The following TGFBR1 variants were observed in gnomAD, a reference collection of about 807,000 sequenced individuals.
TGFBR1 encodes transforming growth factor beta receptor 1, also known as TGF-beta receptor type-1.
A neutral mutation model predicts 55.1 loss-of-function variants in TGFBR1; 20 were observed. The observed-to-expected ratio is 0.36, with a 90% CI of 0.26 to 0.53. TGFBR1 has a LOEUF of 0.53. TGFBR1 is among the 20% of genes least tolerant of loss of function. The pLI is 0.91. For synonymous variants in TGFBR1, 220 were observed against 214.8 expected (o/e 1.02, Z -0.21); for missense variants, 385 against 617.6 (o/e 0.62, Z 3.99).
At chr9:99,126,857 A>T (rs1827056362) in intron 1 of TGFBR1, among the ~76,000 whole-genome samples, 1 of 152,230 alleles carries the variant, frequency 6.6e-6, no homozygotes, top group East Asian at 1.9e-4. Context: ...GGAAGCAAAT[A>T]GCTGACCTGT....
intron 3 of TGFBR1, among the ~76,000 whole-genome samples, chr9:99,137,108 C>G (rs1350465229): frequency 6.6e-6 from 1 of 152,160 alleles, no homozygotes. Context: ...AGTGGAAAAA[C>G]AGTGCTCCAT....
chr9:99,127,964 A>G (rs928941590), intron 1 of TGFBR1: 22 of 455,938 alleles, frequency 4.8e-5, no homozygotes, highest in African/African-American at 3.6e-4. Flanking sequence ...AGGAGTTTAC[A>G]GTTTCATAGG....
rs1035595892 is a variant in TGFBR1 at position 99,147,769 on chromosome 9, A to C, written c.1371A>C (p.Arg457Ser). 6.2e-7 allele frequency: 1 copy of C among 1,613,714 alleles called. No homozygotes were observed. Among genetic ancestry groups the C allele is most frequent in the Non-Finnish European group, 8.5e-7 (1 of 1,179,822 alleles). ...AGTTAAGGCCAAATATCCCAAACAGATGGCAGAGCTGTGAAGTGAGTATTT... is the reference window on the plus strand; with the variant it reads ...AGTTAAGGCCAAATATCCCAAACAGCTGGCAGAGCTGTGAAGTGAGTATTT... ...EQKLRPNIPN[R>S]WQSCEALRVM... Residue 457 changes from arginine to serine, a missense_variant, in exon 8 of 9, where the codon AGA becomes AGC. Transcript: ENST00000374994.
Position 99,150,172 on chromosome 9 carries a change from G to A in TGFBR1, c.*867G>A. ...CTTAAGCCACTAAAGAAATGAAGTG[G>A]CATTAATTAGTAAATTATTAGCATG... On this transcript the variant is annotated 3_prime_UTR_variant, in exon 9 of 9. Coordinates refer to ENST00000374994, the MANE Select transcript of TGFBR1 (RefSeq NM_004612.4). The A allele has an allele frequency of 5.3e-6, 1 of 189,774 alleles. No individual in the cohort carries two copies. The highest frequency in any genetic ancestry group is 1.1e-5 in the Non-Finnish European group (1 of 90,208). The allele number at this position is 189,774 out of a possible 1,614,324, so 11.8% of individuals were successfully genotyped here. A position where few individuals can be genotyped will look rare whatever the true frequency, so the allele number is the denominator to read the frequency against.
rs746953792 is a variant in TGFBR1, at chr9:99,149,330, CT to C, written c.*31del. On this transcript the variant is annotated 3_prime_UTR_variant, in exon 9 of 9. Coordinates refer to ENST00000374994, the MANE Select transcript of TGFBR1 (RefSeq NM_004612.4). Reference sequence around the variant, plus strand: ...ATTCTACAGCTTTGCCTGAACTCTCCTTTTTTCTTCAGATCTGCTCCTGGGT... The same window carrying C: ...ATTCTACAGCTTTGCCTGAACTCTCCTTTTTCTTCAGATCTGCTCCTGGGT... 6.2e-7 allele frequency: 1 copy of C among 1,612,974 alleles called. No individual in the cohort carries two copies. Among genetic ancestry groups the C allele is most frequent in the Admixed American group, 1.7e-5 (1 of 59,976 alleles).
At chr9:99,134,830 A>ATATATATATATATATG (rs1827378836) in intron 3 of TGFBR1, among the ~76,000 whole-genome samples, 1 of 112,508 alleles carries the variant, frequency 8.9e-6, no homozygotes, top group African/African-American at 3.2e-5. Flanking sequence ...ATATATATAT[A>ATATATATATATATATG]TATATATATA....
Position 99,149,275 on chromosome 9 carries a change from A to G in TGFBR1, c.1482A>G (p.Gln494=), listed in dbSNP as rs1322997395. 6.2e-7 allele frequency: 1 copy of G among 1,613,772 alleles called. No individual in the cohort carries two copies. Among genetic ancestry groups the G allele is most frequent in the Non-Finnish European group, 8.5e-7 (1 of 1,179,866 alleles). Residue 494 remains glutamine (Q), a synonymous_variant, in exon 9 of 9, where the codon CAA becomes CAG. Coordinates refer to ENST00000374994, the MANE Select transcript of TGFBR1 (RefSeq NM_004612.4). ...TGCGGATTAAGAAAACATTATCGCA[A>G]CTCAGTCAACAGGAAGGCATCAAAA... The part of the protein sequence containing the change: ...TALRIKKTLS[Q]LSQQEGIKM
At chr9:99,117,069 G>A (rs1826767058) in intron 1 of TGFBR1, among the ~76,000 whole-genome samples, 1 of 152,106 alleles carries the variant, frequency 6.6e-6, no homozygotes, top group Non-Finnish European at 1.5e-5. Context: ...CTTTGCTTTG[G>A]TATTTTGTTT....
rs1022130561 is a variant in TGFBR1 at position 99,153,524 on chromosome 9, G to A, written c.*4219G>A. The stretch of plus-strand genomic sequence containing the variant: ...GTTTCCCCATAAGTTTTTTTAAATT[G>A]TATATTGTATTTGTAGTAATATTCC... On this transcript the variant is annotated 3_prime_UTR_variant, in exon 9 of 9. Transcript: ENST00000374994. 4 of 195,442 alleles carry A rather than the reference G, an allele frequency of 2.0e-5. No homozygotes were observed. The highest frequency in any genetic ancestry group is 4.3e-5 in the Non-Finnish European group (4 of 93,742). The allele number at this position is 195,442 out of a possible 1,614,324, so 12.1% of individuals were successfully genotyped here.
intron 1 of TGFBR1, among the ~76,000 whole-genome samples, chr9:99,110,825 TA>T (rs1309549143): frequency 6.6e-6 from 1 of 152,222 alleles, no homozygotes; most frequent in Admixed American, 6.5e-5. Flanking sequence ...AAACTGAAGT[TA>T]TGCTGTTAAT....
Position 99,149,331 on chromosome 9 carries a change from T to C in TGFBR1, c.*26T>C, listed in dbSNP as rs781117226. 1 of 1,612,940 alleles carries C rather than the reference T, an allele frequency of 6.2e-7. No individual in the cohort carries two copies. The highest frequency in any genetic ancestry group is 8.5e-7 in the Non-Finnish European group (1 of 1,179,244). On this transcript the variant is annotated 3_prime_UTR_variant, in exon 9 of 9. Transcript: ENST00000374994. ...TTCTACAGCTTTGCCTGAACTCTCC[T>C]TTTTTCTTCAGATCTGCTCCTGGGT... is the stretch of plus-strand genomic sequence containing the variant.
chr9:99,136,473 G>C (rs1167871009), intron 3 of TGFBR1, among the ~76,000 whole-genome samples: 1 of 151,878 alleles, frequency 6.6e-6, no homozygotes, highest in Non-Finnish European at 1.5e-5. Context: ...CCTCTACAAG[G>C]CTTTCATAAA....
intron 1 of TGFBR1, among the ~76,000 whole-genome samples, chr9:99,114,658 A>G (rs1235380860): frequency 6.6e-6 from 1 of 152,242 alleles, no homozygotes; most frequent in African/African-American, 2.4e-5. Context: ...ATGTAAGGCT[A>G]GGACATTTAA....
intron 4 of TGFBR1, among the ~76,000 whole-genome samples, chr9:99,141,519 G>GT (rs1280842186): frequency 2.6e-5 from 4 of 152,090 alleles, no homozygotes; most frequent in Non-Finnish European, 5.9e-5. Context: ...CTAGCATTCC[G>GT]TTTTTTAAAT....
At chr9:99,136,541 C>T (rs985914385) in intron 3 of TGFBR1, among the ~76,000 whole-genome samples, 3 of 152,076 alleles carry the variant, frequency 2.0e-5, no homozygotes, top group Non-Finnish European at 4.4e-5. Context: ...ATACATAGTG[C>T]GAAAGAGCTC....
intron 1 of TGFBR1, among the ~76,000 whole-genome samples, chr9:99,123,540 G>A (rs556369018): frequency 3.9e-5 from 6 of 152,260 alleles, no homozygotes; most frequent in Admixed American, 1.3e-4. Context: ...AAATAGTTGC[G>A]TAGGTTTCAC....
intron 1 of TGFBR1, among the ~76,000 whole-genome samples, chr9:99,128,475 TAAAA>T (rs66612011): frequency 0.21 from 21,287 of 103,794 alleles, 1,694 homozygotes; most frequent in Non-Finnish European, 0.24. Flanking sequence ...TTGGGCCTGG[TAAAA>T]AAAAAAAAAA....
rs1827964412 is a variant in TGFBR1 at position 99,150,984 on chromosome 9, A to G, written c.*1679A>G. The stretch of plus-strand genomic sequence containing the variant: ...AGCTCTGAGGCAAGACTTCGACTTT[A>G]TAGTGCTATCAGTTCCCCGATACAG... On this transcript the variant is annotated 3_prime_UTR_variant, in exon 9 of 9. Transcript: ENST00000374994. The G allele has an allele frequency of 4.4e-6, 1 of 227,454 alleles. No individual in the cohort carries two copies. The highest frequency in any genetic ancestry group is 1.8e-4 in the South Asian group (1 of 5,488). 14.1% of individuals were successfully genotyped at this position (227,454 alleles called of 1,614,324 possible).
At chr9:99,142,912 A>G (rs1264719596) in intron 5 of TGFBR1, among the ~76,000 whole-genome samples, 1 of 152,128 alleles carries the variant, frequency 6.6e-6, no homozygotes, top group East Asian at 1.9e-4. Context: ...ACAAAAAATT[A>G]GTCGGGCATG....
Sources: gnomAD v4.1 joint callset for allele counts (sites outside exome capture counted in the v4.1 genomes callset) on GRCh38, gnomAD v4.1.1 for gene constraint, MANE v1.5 for transcripts, NCBI Gene and HGNC (gene_info 2026-07-23, HGNC 2026-07-21) for gene names.